MAPK10: variants seen among roughly 807,000 people sequenced by gnomAD.
MAPK10 encodes the protein mitogen-activated protein kinase 10.
Under a neutral mutation model 59.3 loss-of-function variants are expected in MAPK10, and 25 were observed. The ratio of observed to expected loss-of-function variants is 0.42; its 90% confidence interval spans 0.31 to 0.59. The LOEUF (loss-of-function observed/expected upper bound fraction) is 0.59, where lower values mean the gene tolerates loss of function less well. Among genes scored for constraint, MAPK10 ranks in the 20% least tolerant of loss-of-function variants. The pLI, the probability that MAPK10 is intolerant of heterozygous loss-of-function variation, is 0.15. For missense variants in MAPK10, 351 were observed against 568.9 expected, an observed-to-expected ratio of 0.62 and a Z score of 3.90; for synonymous variants, 190 against 200.5, an observed-to-expected ratio of 0.95 and a Z score of 0.44.
At chr4:86,521,644 C>G (rs1757118369) in intron 1 of MAPK10, among the ~76,000 whole-genome samples, 1 of 152,128 alleles carries the variant, frequency 6.6e-6, no homozygotes, top group Non-Finnish European at 1.5e-5. Context: ...CTCACTCCCA[C>G]TATGCCCCCC....
intron 2 of MAPK10, among the ~76,000 whole-genome samples, chr4:86,242,993 C>A (rs1338184824): frequency 3.9e-5 from 6 of 152,182 alleles, no homozygotes; most frequent in Non-Finnish European, 2.9e-5. Flanking sequence ...TGCACAGTTC[C>A]GTGGGAAAAG....
At chr4:86,577,192 T>C (rs1408622935) in intron 1 of MAPK10, among the ~76,000 whole-genome samples, 1 of 151,936 alleles carries the variant, frequency 6.6e-6, no homozygotes, top group African/African-American at 2.4e-5. Context: ...ACACTTGTAA[T>C]ACCAGCTGCT....
chr4:86,359,263 C>CTCTCTCTCTCTCTCTCT (rs1554248207), intron 1 of MAPK10, among the ~76,000 whole-genome samples: 2 of 53,452 alleles, frequency 3.7e-5, no homozygotes, highest in Admixed American at 2.5e-4. Flanking sequence ...TTTTTTTTTT[C>CTCTCTCTCTCTCTCTCT]CTCTCTCTCT....
At chr4:86,190,686 C>CA (rs199819938) in intron 3 of MAPK10, among the ~76,000 whole-genome samples, 19,505 of 151,838 alleles carry the variant, frequency 0.13, 1,268 homozygotes, top group Middle Eastern at 0.14. Flanking sequence ...TTAACCTTTT[C>CA]AAAAAAACCA....
chr4:86,544,175 T>C (rs1397964680), intron 1 of MAPK10, among the ~76,000 whole-genome samples: 1 of 152,182 alleles, frequency 6.6e-6, no homozygotes, highest in Non-Finnish European at 1.5e-5. Flanking sequence ...TAAGTCATTA[T>C]TCTTAACCCA....
In MAPK10 at chr4:86,086,723, G is replaced by T. The variant is rs1293982605; in HGVS notation, c.802+11801C>A. On this transcript the variant is annotated intron_variant, in intron 9 of 13. Coordinates refer to ENST00000641462, the MANE Select transcript of MAPK10 (RefSeq NM_138982.4). ...GGCATATCTCCAGCTCTATTTTAAT[G>T]TCTCTATTTAATAGATTTAGGTATA... Among the ~76,000 whole-genome samples, 6 of 152,096 alleles carry T rather than the reference G, an allele frequency of 3.9e-5. No individual in the cohort carries two copies. In the East Asian group the frequency reaches 1.2e-3, roughly 29 times the overall value.
intron 3 of MAPK10, among the ~76,000 whole-genome samples, chr4:86,183,452 C>A (rs962181340): frequency 2.0e-4 from 30 of 152,134 alleles, no homozygotes; most frequent in Middle Eastern, 6.8e-3. Flanking sequence ...ATCCATGTCC[C>A]TACAAAGGAC....
At chr4:86,480,864 C>T (rs1390607247) in intron 1 of MAPK10, among the ~76,000 whole-genome samples, 4 of 152,184 alleles carry the variant, frequency 2.6e-5, no homozygotes, top group Non-Finnish European at 5.9e-5. Context: ...CCAGGGAAAA[C>T]TGTCAATTGT....
At chr4:86,082,137 A>G (rs1273939676) in intron 9 of MAPK10, 1 of 152,220 alleles carries the variant, frequency 6.6e-6, no homozygotes, top group Admixed American at 6.5e-5. Flanking sequence ...TGCAGGTAGT[A>G]AAAACATAAG....
At chr4:86,139,257 G>T (rs1365530158) in intron 4 of MAPK10, among the ~76,000 whole-genome samples, 1 of 148,744 alleles carries the variant, frequency 6.7e-6, no homozygotes, top group Non-Finnish European at 1.5e-5. Context: ...AAAGCTGGAG[G>T]CATCACACTA....
intron 3 of MAPK10, chr4:86,191,615 A>C (rs1463553207): frequency 1.3e-5 from 1 of 74,366 alleles, no homozygotes; most frequent in African/African-American, 4.5e-5. Flanking sequence ...TTTAGTAACT[A>C]TTCCTCCATC....
chr4:86,459,085 T>C (rs1751495830), intron 1 of MAPK10, among the ~76,000 whole-genome samples: 1 of 151,598 alleles, frequency 6.6e-6, no homozygotes, highest in Admixed American at 6.6e-5. Flanking sequence ...AACAAGGCCA[T>C]AAAAAAGTGG....
At chr4:86,365,431 CAAAAAAAAAAAAAAA>C (rs70948789) in intron 1 of MAPK10, among the ~76,000 whole-genome samples, 391 of 32,416 alleles carry the variant, frequency 0.012, 2 homozygotes, top group African/African-American at 0.043. Context: ...GACTCTGTCT[CAAAAAAAAAAAAAAA>C]AAAAAAAAAA....
chr4:86,581,899 TTA>T (rs67303972), intron 1 of MAPK10, among the ~76,000 whole-genome samples: 1,348 of 90,886 alleles, frequency 0.015, 10 homozygotes, highest in African/African-American at 0.023. Flanking sequence ...GCTATATATA[TTA>T]TATATATATA....
intron 1 of MAPK10, among the ~76,000 whole-genome samples, chr4:86,355,174 T>G (rs565261723): frequency 6.6e-6 from 1 of 152,282 alleles, no homozygotes; most frequent in East Asian, 1.9e-4. Context: ...GCCTGTTACT[T>G]CCCAACATTA....
chr4:86,206,467 C>T (rs1234594741), intron 2 of MAPK10, among the ~76,000 whole-genome samples: 4 of 151,894 alleles, frequency 2.6e-5, no homozygotes, highest in African/African-American at 4.8e-5. Flanking sequence ...TGGGTTGGTT[C>T]CAAGTCTTTG....
chr4:86,555,314 C>T (rs1231474938), intron 1 of MAPK10, among the ~76,000 whole-genome samples: 1 of 152,084 alleles, frequency 6.6e-6, no homozygotes, highest in Non-Finnish European at 1.5e-5. Context: ...GGCGCGGTGG[C>T]CGGTGCCTGT....
Position 86,446,494 on chromosome 4 carries a change from G to A in MAPK10, c.-122+6536C>T, listed in dbSNP as rs75285053. Among the ~76,000 whole-genome samples the A allele has an allele frequency of 5.9e-3, 897 of 152,126 alleles. 6 individuals are homozygous for A. Among genetic ancestry groups the A allele is most frequent in the African/African-American group, 0.019 (801 of 41,480 alleles). On this transcript the variant is annotated intron_variant, in intron 1 of 13. Coordinates refer to the MAPK10 transcript ENST00000361569. ...GCCTCCCAAAGCTCTAGCATTACAG[G>A]CATTAGCTGACACACATAGCCCCAG...
At chr4:86,262,609 A>AGTTTT (rs2094043639) in intron 2 of MAPK10, among the ~76,000 whole-genome samples, 1 of 152,232 alleles carries the variant, frequency 6.6e-6, no homozygotes, top group Non-Finnish European at 1.5e-5. Context: ...CTTGACATAT[A>AGTTTT]GTAGAACTGA....
Sources: gnomAD v4.1 joint callset for allele counts (sites outside exome capture counted in the v4.1 genomes callset) on GRCh38, gnomAD v4.1.1 for gene constraint, MANE v1.5 for transcripts, NCBI Gene and HGNC (gene_info 2026-07-23, HGNC 2026-07-21) for gene names.